ATAD5: variants seen among roughly 807,000 people sequenced by gnomAD.
ATAD5 encodes ATPase family AAA domain containing 5, also known as ATPase family AAA domain-containing protein 5.
A neutral mutation model predicts 176.9 loss-of-function variants in ATAD5; 58 were observed. The ratio of observed to expected loss-of-function variants is 0.33; its 90% CI spans 0.27 to 0.41. The LOEUF (loss-of-function observed/expected upper bound fraction) is 0.41. ATAD5 is among the 10% of genes least tolerant of loss of function. ATAD5 has a pLI of 1.00. For missense variants in ATAD5, 1,789 were observed against 2,094.1 expected, an observed-to-expected ratio of 0.85 and a Z score of 2.84; for synonymous variants, 640 against 712.6, an observed-to-expected ratio of 0.90 and a Z score of 1.62.
At chr17:30,874,173 T>A (rs1908513855) in intron 14 of ATAD5, among the ~76,000 whole-genome samples, 1 of 144,216 alleles carries the variant, frequency 6.9e-6, no homozygotes, top group Admixed American at 7.0e-5. Context: ...TCAGAAAAAA[T>A]AAATAAATAA....
chr17:30,886,282 G>T (rs1909318464), intron 18 of ATAD5, among the ~76,000 whole-genome samples: 1 of 150,436 alleles, frequency 6.6e-6, no homozygotes, highest in Non-Finnish European at 1.5e-5. Flanking sequence ...TTTGTATAGG[G>T]TTGATATTCT....
rs1375069979 is a variant in ATAD5 at position 30,836,025 on chromosome 17, C to T, written c.1944C>T (p.Pro648=). 2.6e-5 allele frequency: 41 copies of T among 1,603,092 alleles called. No homozygotes were observed. Among genetic ancestry groups the T allele is most frequent in the Non-Finnish European group, 3.3e-5 (39 of 1,176,336 alleles). The change falls in exon 2 of 23, where the codon CCC becomes CCT. Residue 648 remains proline, a synonymous_variant. Coordinates refer to ENST00000321990, the MANE Select transcript of ATAD5 (RefSeq NM_024857.5). ...ATACAGCAGAATTAATAACAGTACC[C>T]TTTGATTCAGAGAGCCCTATTAGGT... is the stretch of plus-strand genomic sequence containing the variant. ...SLYTAELITV[P]FDSESPIRMK...
At position 30,835,039 on chromosome 17, in the gene ATAD5, A is replaced by G. The variant is rs1476452869; in HGVS notation, c.958A>G (p.Lys320Glu). 6 of 1,613,936 alleles carry G rather than the reference A, an allele frequency of 3.7e-6. No individual in the cohort carries two copies. Among genetic ancestry groups the G allele is most frequent in the African/African-American group, 1.3e-5 (1 of 74,942 alleles). ...CGAAATTTCCCAGCAGGTACGCTTT[A>G]AGACAGTTACTGTTCTTGCACAGGT... The part of the protein sequence containing the change: ...NSEISQQVRF[K>E]TVTVLAQVHP... The change falls in exon 2 of 23, where the codon AAG becomes GAG. Residue 320 changes from lysine (K) to glutamate (E), a missense_variant. Transcript: ENST00000321990.
intron 18 of ATAD5, among the ~76,000 whole-genome samples, chr17:30,885,623 C>CTTTTTTT (rs778733612): frequency 0.014 from 1,288 of 93,856 alleles, 4 homozygotes; most frequent in Non-Finnish European, 0.016. Flanking sequence ...TTCCAACTTT[C>CTTTTTTT]TTTTTTTTTT....
Position 30,835,901 on chromosome 17 carries a change from A to G in ATAD5, c.1820A>G (p.Glu607Gly). Residue 607 changes from glutamate (E) to glycine (G), a missense_variant, in exon 2 of 23, where the codon GAA becomes GGA. Transcript: ENST00000321990. ...SGRISSTPTT[E>G]TIRGIDSDDV... ...AGAATTAGCAGCACACCTACTACAGAAACCATTAGAGGTATTGATTCTGAC... is the reference window on the plus strand; with the variant it reads ...AGAATTAGCAGCACACCTACTACAGGAACCATTAGAGGTATTGATTCTGAC... 6.2e-7 allele frequency: 1 copy of G among 1,614,146 alleles called. No homozygotes were observed. Among genetic ancestry groups the G allele is most frequent in the South Asian group, 1.1e-5 (1 of 91,064 alleles).
chr17:30,851,914 T>G (rs1245668924), intron 6 of ATAD5, among the ~76,000 whole-genome samples: 1 of 152,218 alleles, frequency 6.6e-6, no homozygotes, highest in Middle Eastern at 3.2e-3. Flanking sequence ...AGACTAGATC[T>G]TACTATTTTG....
At chr17:30,838,273 T>A (rs1015931929) in intron 3 of ATAD5, among the ~76,000 whole-genome samples, 1 of 152,194 alleles carries the variant, frequency 6.6e-6, no homozygotes, top group Non-Finnish European at 1.5e-5. Flanking sequence ...TACAGGTATG[T>A]GTATTTCGAA....
intron 11 of ATAD5, 96 bp downstream of exon 11, chr17:30,865,896 A>C: frequency 1.5e-6 from 1 of 660,562 alleles, no homozygotes; most frequent in Non-Finnish European, 2.3e-6. Flanking sequence ...ATATCTCATG[A>C]TAAAATCTTC....
intron 6 of ATAD5, among the ~76,000 whole-genome samples, chr17:30,852,613 G>A (rs959363234): frequency 6.6e-6 from 1 of 152,142 alleles, no homozygotes; most frequent in Non-Finnish European, 1.5e-5. Flanking sequence ...GATTGTACAA[G>A]CATGGTTGTA....
intron 19 of ATAD5, among the ~76,000 whole-genome samples, chr17:30,889,886 C>CTTTTTTTTTTTT (rs60266614): frequency 1.1e-4 from 11 of 95,690 alleles, no homozygotes; most frequent in East Asian, 2.7e-4. Flanking sequence ...TCTTTTCTTT[C>CTTTTTTTTTTTT]TTTTTTTTTT....
chr17:30,877,919 T>G, intron 16 of ATAD5, 84 bp from the exon 17 acceptor site: 1 of 974,156 alleles, frequency 1.0e-6, no homozygotes, highest in Non-Finnish European at 1.5e-6. Flanking sequence ...AAATTTTGTC[T>G]CTAACAGACA....
At chr17:30,840,336 A>C (rs1048971611) in intron 3 of ATAD5, among the ~76,000 whole-genome samples, 15 of 152,124 alleles carry the variant, frequency 9.9e-5, no homozygotes, top group Non-Finnish European at 1.8e-4. Flanking sequence ...CTTTGCCTGA[A>C]TTTGGTGACT....
At chr17:30,856,166 CCT>C (rs746895423) in intron 7 of ATAD5, among the ~76,000 whole-genome samples, 2 of 152,124 alleles carry the variant, frequency 1.3e-5, no homozygotes, top group Non-Finnish European at 2.9e-5. Context: ...ACAGAGGGAA[CCT>C]CTCTCTCTTA....
intron 9 of ATAD5, 97 bp from the exon 10 acceptor site, chr17:30,860,336 T>G (rs1419828262): frequency 7.1e-7 from 1 of 1,402,994 alleles, no homozygotes; most frequent in Non-Finnish European, 9.6e-7. Flanking sequence ...CCTTTGCATT[T>G]TAAAGTTACA....
intron 19 of ATAD5, among the ~76,000 whole-genome samples, chr17:30,891,198 C>T (rs1005906996): frequency 2.0e-5 from 3 of 152,130 alleles, no homozygotes; most frequent in Non-Finnish European, 4.4e-5. Flanking sequence ...ATTGTACCAA[C>T]TTATGCTCCC....
intron 22 of ATAD5, 23 bp from the exon 23 acceptor site, chr17:30,894,812 A>G (rs1198836673): frequency 1.3e-6 from 2 of 1,570,092 alleles, no homozygotes; most frequent in Non-Finnish European, 1.7e-6. Flanking sequence ...ATTAAATTGT[A>G]TTTTTCTTTG....
chr17:30,876,179 C>T (rs1908663026), intron 14 of ATAD5, among the ~76,000 whole-genome samples, 195 bp from the exon 15 acceptor site: 1 of 151,804 alleles, frequency 6.6e-6, no homozygotes, highest in South Asian at 2.1e-4. Flanking sequence ...AAATGACTGG[C>T]TTAACCTTCT....
At chr17:30,883,448 A>G (rs113966891) in intron 18 of ATAD5, among the ~76,000 whole-genome samples, 14 of 152,048 alleles carry the variant, frequency 9.2e-5, no homozygotes, top group African/African-American at 3.4e-4. Flanking sequence ...TTGAGGACTC[A>G]GTGCAAAAAA....
At position 30,834,493 on chromosome 17, in the gene ATAD5, A is replaced by G; in HGVS notation, c.412A>G (p.Ser138Gly). The change falls in exon 2 of 23, where the codon AGC (serine) becomes GGC (glycine). Residue 138 changes from serine to glycine, a missense_variant. By Grantham distance (56) the Ser-to-Gly change is moderately conservative. Transcript: ENST00000321990. ...AAATGAAGCTCCAATTGAAATTAGT[A>G]GCGACGATAGCAAAGAAGACTATAG... ...TENEAPIEISSDDSKEDYSLN... is the reference protein window; with the variant it reads ...TENEAPIEISGDDSKEDYSLN... 6.3e-7 allele frequency: 1 copy of G among 1,584,884 alleles called. No homozygotes were observed. The highest frequency in any genetic ancestry group is 8.5e-7 in the Non-Finnish European group (1 of 1,170,156).
Sources: gnomAD v4.1 joint callset for allele counts (sites outside exome capture counted in the v4.1 genomes callset) on GRCh38, gnomAD v4.1.1 for gene constraint, MANE v1.5 for transcripts, NCBI Gene and HGNC (gene_info 2026-07-23, HGNC 2026-07-21) for gene names.